Variants in ALX4 observed in about 807,000 individuals in gnomAD.
The protein encoded by ALX4 is ALX homeobox 4, also known as homeobox protein aristaless-like 4.
A neutral mutation model predicts 40.6 loss-of-function variants in ALX4; 22 were observed. The observed-to-expected ratio is 0.54, with a 90% CI of 0.39 to 0.77. The LOEUF (loss-of-function observed/expected upper bound fraction) is 0.77. Ranked by LOEUF, ALX4 falls within the 30% of genes least tolerant of loss-of-function variation. ALX4 has a pLI of 0.00. For missense variants in ALX4, 556 were observed against 564.8 expected (o/e 0.98, Z 0.16); for synonymous variants, 266 against 240.5 (o/e 1.11, Z -0.98).
chr11:44,272,059 T>C (rs1192937934), intron 2 of ALX4, among the ~76,000 whole-genome samples: 1 of 152,220 alleles, frequency 6.6e-6, no homozygotes, highest in Non-Finnish European at 1.5e-5. Context: ...ATGCTAGGAT[T>C]CCTGTCCAAA....
intron 1 of ALX4, among the ~76,000 whole-genome samples, chr11:44,276,949 G>A (rs146444732): frequency 1.1e-4 from 17 of 152,204 alleles, no homozygotes; most frequent in African/African-American, 3.6e-4. Flanking sequence ...GCCATGGATC[G>A]GTACTGGTCC....
chr11:44,275,731 G>A, intron 1 of ALX4, 73 bp from the exon 2 acceptor site: 3 of 1,475,994 alleles, frequency 2.0e-6, no homozygotes, highest in African/African-American at 1.4e-5. Flanking sequence ...CAGGGGGAGA[G>A]TGGGGCACTC....
At chr11:44,301,496 A>G (rs1222455233) in intron 1 of ALX4, among the ~76,000 whole-genome samples, 1 of 152,196 alleles carries the variant, frequency 6.6e-6, no homozygotes, top group Non-Finnish European at 1.5e-5. Flanking sequence ...CTGCAATCCC[A>G]CCAGGGATTC....
At chr11:44,306,492 C>G (rs1435978245) in intron 1 of ALX4, among the ~76,000 whole-genome samples, 1 of 152,208 alleles carries the variant, frequency 6.6e-6, no homozygotes, top group African/African-American at 2.4e-5. Context: ...CCGAGCTTCC[C>G]CCTTTTGTTA....
chr11:44,271,198 G>A (rs1478333788), intron 2 of ALX4, among the ~76,000 whole-genome samples: 2 of 152,180 alleles, frequency 1.3e-5, no homozygotes, highest in Non-Finnish European at 1.5e-5. Context: ...CAACCCAGAG[G>A]TCTGACGCAC....
At chr11:44,294,228 C>T (rs2119862106) in intron 1 of ALX4, among the ~76,000 whole-genome samples, 1 of 152,342 alleles carries the variant, frequency 6.6e-6, no homozygotes, top group East Asian at 1.9e-4. Flanking sequence ...CACAAAAAGT[C>T]TCAGTCCAGG....
chr11:44,309,755 G>GGCT lies in ALX4; in HGVS notation c.307_308insAGC (p.Pro102_Pro103insGln), dbSNP rs1194056000. 1.4e-5 allele frequency: 22 copies of GGCT among 1,546,786 alleles called. No homozygotes were observed. Among genetic ancestry groups the GGCT allele is most frequent in the South Asian group, 1.1e-4 (9 of 84,418 alleles). On this transcript the variant is annotated inframe_insertion, in exon 1 of 4. Transcript: ENST00000652299. ...CTGCTGCTGCTGCGGCTGCGGCTGC[G>GGCT]GCGGCGGCTGGGGCTGCGGGGTCGA...
intron 1 of ALX4, among the ~76,000 whole-genome samples, chr11:44,277,219 G>A (rs903454701): frequency 1.8e-4 from 27 of 152,188 alleles, no homozygotes; most frequent in African/African-American, 6.3e-4. Flanking sequence ...GTCTGGACTT[G>A]CAAACCCACA....
At chr11:44,291,900 C>A (rs10769031) in intron 1 of ALX4, among the ~76,000 whole-genome samples, 102,703 of 151,950 alleles carry the variant, frequency 0.68, 34,960 homozygotes, top group South Asian at 0.89. Context: ...CTAACTGCAA[C>A]CTCTGCCCCC....
Position 44,275,510 on chromosome 11 carries a change from G to A in ALX4, c.615C>T (p.Ala205=), listed in dbSNP as rs777337755. The A allele has an allele frequency of 1.1e-4, 170 of 1,613,932 alleles. 1 individual carries two copies. The highest frequency in any genetic ancestry group is 1.1e-4 in the Non-Finnish European group (130 of 1,179,922). ...TCTTGCCCTTGTTGCTCTCTGAGTC[G>A]GCCTTCTCCAATGGGCTGGGGAGGT... ...SSDLPSPLEK[A]DSESNKGKKR... is the part of the protein sequence containing the mutation. Residue 205 remains alanine, a synonymous_variant, in exon 2 of 4, where the codon GCC becomes GCT. Transcript: ENST00000652299.
intron 1 of ALX4, among the ~76,000 whole-genome samples, chr11:44,281,108 TTTTC>T (rs983603960): frequency 2.0e-5 from 3 of 152,200 alleles, no homozygotes; most frequent in Non-Finnish European, 4.4e-5. Flanking sequence ...GATTTTTCTT[TTTTC>T]TTTCTTTCTT....
intron 1 of ALX4, among the ~76,000 whole-genome samples, chr11:44,297,004 T>C (rs558905589): frequency 2.4e-5 from 2 of 81,674 alleles, no homozygotes; most frequent in African/African-American, 9.9e-5. Flanking sequence ...AGTGAAACTC[T>C]GTCTCAAAAA....
chr11:44,290,133 C>A (rs367996974), intron 1 of ALX4, among the ~76,000 whole-genome samples: 12 of 152,318 alleles, frequency 7.9e-5, no homozygotes, highest in East Asian at 7.7e-4. Context: ...AACCATGTGG[C>A]CCTGGGCGTG....
At chr11:44,299,603 G>A (rs372777041) in intron 1 of ALX4, among the ~76,000 whole-genome samples, 59 of 152,108 alleles carry the variant, frequency 3.9e-4, no homozygotes, top group East Asian at 1.7e-3. Flanking sequence ...TTTGTGATCC[G>A]CCCGCCTAGG....
rs201245023 is a variant in ALX4 at position 44,265,004 on chromosome 11, C to T, written c.1086G>A (p.Thr362=). The T allele has an allele frequency of 6.9e-5, 112 of 1,612,960 alleles. No individual in the cohort carries two copies. Among genetic ancestry groups the T allele is most frequent in the Non-Finnish European group, 9.2e-5 (108 of 1,179,954 alleles). The change falls in exon 4 of 4, where the codon ACG becomes ACA. Residue 362 remains threonine (T), a synonymous_variant. Transcript: ENST00000652299. ...VSGAGSHVGQ[T]HMGSLFGAAS... is the part of the protein sequence containing the mutation. The stretch of plus-strand genomic sequence containing the variant: ...CTGCTCCAAACAGGCTGCCCATGTG[C>T]GTCTGGCCCACGTGACTGCCAGCCC...
At chr11:44,294,607 C>T (rs138700395) in intron 1 of ALX4, among the ~76,000 whole-genome samples, 14 of 152,214 alleles carry the variant, frequency 9.2e-5, no homozygotes, top group Non-Finnish European at 1.8e-4. Context: ...CCTCCCATCA[C>T]TCATCCATGT....
chr11:44,277,932 A>G (rs1956287100), intron 1 of ALX4, among the ~76,000 whole-genome samples: 1 of 152,226 alleles, frequency 6.6e-6, no homozygotes, highest in Non-Finnish European at 1.5e-5. Context: ...CATTCTGCAA[A>G]CTGCAGCTGG....
At chr11:44,278,359 C>G (rs10742701) in intron 1 of ALX4, among the ~76,000 whole-genome samples, 139,596 of 152,212 alleles carry the variant, frequency 0.92, 64,518 homozygotes, top group Non-Finnish European at 0.98. Flanking sequence ...CCCTCCCCTG[C>G]GGTCTTAGGC....
chr11:44,280,195 C>G (rs971965642), intron 1 of ALX4, among the ~76,000 whole-genome samples: 6 of 152,204 alleles, frequency 3.9e-5, no homozygotes, highest in Admixed American at 6.5e-5. Flanking sequence ...AAGACCCAGA[C>G]AGACCTTGAG....
Sources: gnomAD v4.1 joint callset for allele counts (sites outside exome capture counted in the v4.1 genomes callset) on GRCh38, gnomAD v4.1.1 for gene constraint, MANE v1.5 for transcripts, NCBI Gene and HGNC (gene_info 2026-07-23, HGNC 2026-07-21) for gene names.